The following CA12 variants were observed in gnomAD, a reference collection of about 807,000 sequenced individuals.
CA12 encodes carbonate dehydratase XII.
In CA12, 36 loss-of-function variants were observed where a neutral mutation model predicts 46.8. The ratio of observed to expected loss-of-function variants is 0.77; its 90% CI spans 0.59 to 1.02. The LOEUF is 1.02. Among genes scored for constraint, CA12 ranks in the 50% least tolerant of loss-of-function variants. CA12 has a pLI of 0.00. For synonymous variants in CA12, 202 were observed against 187.0 expected (o/e 1.08, Z -0.65); for missense variants, 436 against 451.4 (o/e 0.97, Z 0.31).
rs2039132376 is a variant in CA12, at chr15:63,345,410, C to T, written c.429+67G>A. 7 of 1,586,936 alleles carry T rather than the reference C, an allele frequency of 4.4e-6. No homozygotes were observed. Among genetic ancestry groups the T allele is most frequent in the Non-Finnish European group, 6.0e-6 (7 of 1,169,986 alleles). ...TGCTCTGGTGTTATCTGCACAGCAG[C>T]CAGGTCGAGAAGGTGCCACACCACC... On this transcript the variant is annotated intron_variant, in intron 4 of 10. Coordinates refer to ENST00000178638, the MANE Select transcript of CA12 (RefSeq NM_001218.5). The surrounding 1 kb of genome is among the most constrained non-coding windows in gnomAD (Gnocchi z 4.3).
chr15:63,370,853 T>C (rs1567054730), intron 2 of CA12, among the ~76,000 whole-genome samples: 1 of 152,156 alleles, frequency 6.6e-6, no homozygotes, highest in Non-Finnish European at 1.5e-5. Flanking sequence ...GTGCCCCTTA[T>C]TCATCCTCAG....
chr15:63,357,511 A>G (rs1018780721), intron 2 of CA12, among the ~76,000 whole-genome samples: 1 of 152,178 alleles, frequency 6.6e-6, no homozygotes, highest in Non-Finnish European at 1.5e-5. Context: ...GGTGCTTTAA[A>G]AAACTGCTCA....
At chr15:63,365,909 C>T (rs1418329450) in intron 2 of CA12, among the ~76,000 whole-genome samples, 2 of 152,202 alleles carry the variant, frequency 1.3e-5, no homozygotes. Flanking sequence ...GAGGGCAAGG[C>T]GGGGAGATCA....
Position 63,374,903 on chromosome 15 carries a change from C to T in CA12, c.106+755G>A, listed in dbSNP as rs567509372. 6.6e-6 allele frequency among the ~76,000 whole-genome samples: 1 copy of T among 152,150 alleles called. No individual in the cohort carries two copies. The highest frequency in any genetic ancestry group is 2.4e-5 in the African/African-American group (1 of 41,424). On this transcript the variant is annotated intron_variant, in intron 2 of 10. Coordinates refer to ENST00000178638, the MANE Select transcript of CA12 (RefSeq NM_001218.5). The surrounding 1 kb of genome is among the most constrained non-coding windows in gnomAD (Gnocchi z 4.4). ...CTTGTGCATCTTCTGTGGCTGTGCC[C>T]CAACAAGACATTATCAACATTCCCG...
At chr15:63,377,225 C>G (rs1381675900) in intron 1 of CA12, among the ~76,000 whole-genome samples, 1 of 152,156 alleles carries the variant, frequency 6.6e-6, no homozygotes, top group Non-Finnish European at 1.5e-5. Flanking sequence ...TCTCAGGTGA[C>G]TCATCCAATG....
In CA12 at chr15:63,328,240, C is replaced by A; in HGVS notation, c.875-110G>T. On this transcript the variant is annotated intron_variant, in intron 8 of 10. Transcript: ENST00000178638. This position sits in a 1 kb window ranked among gnomAD's most constrained non-coding sequence, Gnocchi z 5.9. The stretch of plus-strand genomic sequence containing the variant: ...TTTGTTTGGTCTTAGGCTGACAGAC[C>A]TCTAGGGATGTCCACCCTTGGCTCA... The A allele has an allele frequency of 1.0e-6, 1 of 977,474 alleles. No individual in the cohort carries two copies. Among genetic ancestry groups the A allele is most frequent in the Admixed American group, 1.9e-5 (1 of 52,628 alleles). The allele number at this position is 977,474 out of a possible 1,614,324, so 60.6% of individuals were successfully genotyped here. A position where few individuals can be genotyped will look rare whatever the true frequency, so the allele number is the denominator to read the frequency against.
chr15:63,327,998 G>T lies in CA12; in HGVS notation c.907+100C>A. The T allele has an allele frequency of 8.8e-7, 1 of 1,139,446 alleles. No individual in the cohort carries two copies. Among genetic ancestry groups the T allele is most frequent in the Non-Finnish European group, 1.3e-6 (1 of 752,188 alleles). The allele number at this position is 1,139,446 out of a possible 1,614,324, so 70.6% of individuals were successfully genotyped here. On this transcript the variant is annotated intron_variant, in intron 9 of 10. Transcript: ENST00000178638. This position sits in a 1 kb window ranked among gnomAD's most constrained non-coding sequence, Gnocchi z 4.5. ...AGCAAGGAGAGGGCCAGGAGCCAGAGCAATAGTACAGAGAAGCAGAGAGGA... is the reference window on the plus strand; with the variant it reads ...AGCAAGGAGAGGGCCAGGAGCCAGATCAATAGTACAGAGAAGCAGAGAGGA...
rs1316216223 is a variant in CA12 at position 63,339,080 on chromosome 15, T to C, written c.748-135A>G. 1 of 1,118,900 alleles carries C rather than the reference T, an allele frequency of 8.9e-7. No individual in the cohort carries two copies. The highest frequency in any genetic ancestry group is 1.3e-6 in the Non-Finnish European group (1 of 764,892). The allele number at this position is 1,118,900 out of a possible 1,614,324, so 69.3% of individuals were successfully genotyped here. A position where few individuals can be genotyped will look rare whatever the true frequency, so the allele number is the denominator to read the frequency against. On this transcript the variant is annotated intron_variant, in intron 7 of 10. Transcript: ENST00000178638. The surrounding 1 kb of genome is among the most constrained non-coding windows in gnomAD (Gnocchi z 4.3). ...CTTCTGTGGGGCCGGGTGGGAGATA[T>C]TAGAAAGCAGAGGGAAAGCCACAGA...
At position 63,348,825 on chromosome 15, in the gene CA12, C is replaced by T. The variant is rs1023542949; in HGVS notation, c.107-2116G>A. On this transcript the variant is annotated intron_variant, in intron 2 of 10. Transcript: ENST00000178638. This position sits in a 1 kb window ranked among gnomAD's most constrained non-coding sequence, Gnocchi z 4.6. ...CCCATATTATAAGTAGGGTCACGTGCCCCCATGGGCATTTAGGAAACATTT... is the reference window on the plus strand; with the variant it reads ...CCCATATTATAAGTAGGGTCACGTGTCCCCATGGGCATTTAGGAAACATTT... 1.3e-5 allele frequency among the ~76,000 whole-genome samples: 2 copies of T among 152,052 alleles called. No homozygotes were observed. Among genetic ancestry groups the T allele is most frequent in the Non-Finnish European group, 2.9e-5 (2 of 67,924 alleles).
chr15:63,326,226 G>A lies in CA12; in HGVS notation c.*59C>T, dbSNP rs184637942. On this transcript the variant is annotated 3_prime_UTR_variant, in exon 11 of 11. Coordinates refer to ENST00000178638, the MANE Select transcript of CA12 (RefSeq NM_001218.5). ...AGGTGTCGCAAGTGTCCAGAGAGCC[G>A]AAGTGTGTAGGGTCCAAAGCAAGGT... 3,160 of 1,303,566 alleles carry A rather than the reference G, an allele frequency of 2.4e-3. 2 individuals carry two copies. The highest frequency in any genetic ancestry group is 2.8e-3 in the Non-Finnish European group (2,491 of 897,082). 80.7% of individuals were successfully genotyped at this position (1,303,566 alleles called of 1,614,324 possible).
chr15:63,377,735 T>C (rs2039595351), intron 1 of CA12, among the ~76,000 whole-genome samples: 1 of 152,216 alleles, frequency 6.6e-6, no homozygotes, highest in Non-Finnish European at 1.5e-5. Flanking sequence ...AATGATTCTT[T>C]TGCTATTATC....
At position 63,333,874 on chromosome 15, in the gene CA12, A is replaced by G. The variant is rs542990907; in HGVS notation, c.874+4945T>C. Among the ~76,000 whole-genome samples, 8 of 152,330 alleles carry G rather than the reference A, an allele frequency of 5.3e-5. No individual in the cohort carries two copies. The South Asian group carries it at 1.7e-3, about 32-fold the overall frequency. On this transcript the variant is annotated intron_variant, in intron 8 of 10. Coordinates refer to ENST00000178638, the MANE Select transcript of CA12 (RefSeq NM_001218.5). ...GAGCAAGCCCACTAATGATGTGATT[A>G]TAGAAACTTCTTGGCTTCCTTTTGT...
chr15:63,345,649 G>T lies in CA12; in HGVS notation c.287-30C>A. 6.2e-7 allele frequency: 1 copy of T among 1,603,030 alleles called. No individual in the cohort carries two copies. On this transcript the variant is annotated intron_variant, in intron 3 of 10. Transcript: ENST00000178638. This position sits in a 1 kb window ranked among gnomAD's most constrained non-coding sequence, Gnocchi z 4.3. ...GGGGAGTGGAGGAGCAGCCTTCAGA[G>T]CCCCGGCCAGCTGTGCACTGCCAGA...
chr15:63,360,238 G>T (rs912489414), intron 2 of CA12, among the ~76,000 whole-genome samples: 1 of 152,190 alleles, frequency 6.6e-6, no homozygotes, highest in African/African-American at 2.4e-5. Flanking sequence ...AGTGACACTG[G>T]CATATGCAAA....
rs1015800616 is a variant in CA12, at chr15:63,355,486, G to A, written c.107-8777C>T. Among the ~76,000 whole-genome samples the A allele has an allele frequency of 6.6e-6, 1 of 152,202 alleles. No homozygotes were observed. The highest frequency in any genetic ancestry group is 1.5e-5 in the Non-Finnish European group (1 of 68,032). On this transcript the variant is annotated intron_variant, in intron 2 of 10. Transcript: ENST00000178638. The surrounding 1 kb of genome is among the most constrained non-coding windows in gnomAD (Gnocchi z 4.1). ...CAGGCCTACCGAACCGGACACTCTGGGGGTGGCGCCCAGCATCTGCCGTTG... is the reference window on the plus strand; with the variant it reads ...CAGGCCTACCGAACCGGACACTCTGAGGGTGGCGCCCAGCATCTGCCGTTG...
chr15:63,352,030 G>C (rs1447790135), intron 2 of CA12, among the ~76,000 whole-genome samples: 1 of 152,054 alleles, frequency 6.6e-6, no homozygotes, highest in Non-Finnish European at 1.5e-5. Flanking sequence ...GGTAAGGTGA[G>C]GGTAATGTGA....
At chr15:63,375,241 T>C (rs1293572837) in intron 2 of CA12, among the ~76,000 whole-genome samples, 1 of 152,260 alleles carries the variant, frequency 6.6e-6, no homozygotes, top group Non-Finnish European at 1.5e-5. Context: ...GCTTAAGTTC[T>C]GGGACCTCAG....
chr15:63,351,331 C>T (rs997840010), intron 2 of CA12, among the ~76,000 whole-genome samples: 1 of 152,220 alleles, frequency 6.6e-6, no homozygotes, highest in African/African-American at 2.4e-5. Context: ...CCCAGCCTTC[C>T]TTGTTACACT....
rs774875513 is a variant in CA12, at chr15:63,338,804, A to T, written c.874+15T>A. 1 of 1,613,782 alleles carries T rather than the reference A, an allele frequency of 6.2e-7. No individual in the cohort carries two copies. Among genetic ancestry groups the T allele is most frequent in the Non-Finnish European group, 8.5e-7 (1 of 1,179,974 alleles). ...CACTCCCGCACCCCCTCCCCCCAGC[A>T]CTGCCTCTCCTCACCTTGGGAGAAG... On this transcript the variant is annotated intron_variant, in intron 8 of 10. Coordinates refer to ENST00000178638, the MANE Select transcript of CA12 (RefSeq NM_001218.5).
Sources: gnomAD v4.1 joint callset for allele counts (sites outside exome capture counted in the v4.1 genomes callset) on GRCh38, gnomAD v4.1.1 for gene constraint, Gnocchi (gnomAD v3.1) non-coding constraint, MANE v1.5 for transcripts, NCBI Gene and HGNC (gene_info 2026-07-23, HGNC 2026-07-21) for gene names.